PACRG: variants seen among roughly 807,000 people sequenced by gnomAD.
PACRG encodes the protein parkin coregulated gene protein.
In PACRG, 29 loss-of-function variants were observed where a neutral mutation model predicts 29.7. That is an observed-to-expected ratio of 0.98 (90% CI 0.73 to 1.33). The LOEUF (loss-of-function observed/expected upper bound fraction) is 1.33. PACRG is among the 40% of genes most tolerant of loss of function. PACRG has a pLI of 0.00. For synonymous variants in PACRG, 116 were observed against 118.7 expected, an observed-to-expected ratio of 0.98 and a Z score of 0.15; for missense variants, 279 against 316.2, an observed-to-expected ratio of 0.88 and a Z score of 0.89.
intron 2 of PACRG, among the ~76,000 whole-genome samples, chr6:163,030,884 A>G (rs1807597053): frequency 6.6e-6 from 1 of 152,182 alleles, no homozygotes; most frequent in Non-Finnish European, 1.5e-5. Flanking sequence ...CAGCTTCTTT[A>G]CTGCAACCTG....
At chr6:163,180,935 G>C (rs1210701542) in intron 4 of PACRG, among the ~76,000 whole-genome samples, 2 of 152,168 alleles carry the variant, frequency 1.3e-5, no homozygotes, top group African/African-American at 4.8e-5. Flanking sequence ...TTTGAAAGCT[G>C]GGGCTCCGTA....
At chr6:163,107,233 G>A (rs9456834) in intron 4 of PACRG, among the ~76,000 whole-genome samples, 2,120 of 152,268 alleles carry the variant, frequency 0.014, 48 homozygotes, top group African/African-American at 0.048. Context: ...GAAATATGAT[G>A]AGAAAGAGAA....
At chr6:163,093,734 T>A (rs1483505698) in intron 4 of PACRG, among the ~76,000 whole-genome samples, 4 of 152,232 alleles carry the variant, frequency 2.6e-5, no homozygotes, top group African/African-American at 9.6e-5. Context: ...TATGCAAAAG[T>A]AAACATAATA....
chr6:163,197,444 T>TTTCTTTTC (rs1562959298), intron 4 of PACRG, among the ~76,000 whole-genome samples: 3 of 120,944 alleles, frequency 2.5e-5, no homozygotes, highest in Admixed American at 8.4e-5. Flanking sequence ...CTTTTTTTTT[T>TTTCTTTTC]TTTTTTTTTT....
Position 162,892,974 on chromosome 6 carries a change from G to A in PACRG, c.291+78693G>A, listed in dbSNP as rs187542488. Among the ~76,000 whole-genome samples, 32 of 145,740 alleles carry A rather than the reference G, an allele frequency of 2.2e-4. No homozygotes were observed. In the East Asian group the frequency reaches 5.8e-3, roughly 27 times the overall value. On this transcript the variant is annotated intron_variant, in intron 2 of 4. Coordinates refer to ENST00000366888, the MANE Select transcript of PACRG (RefSeq NM_001080379.2). Reference sequence around the variant, plus strand: ...GAACCACCTCAGCCTCAAGAGCCTCGGCCCACACCCCGGAGAAGAACCACC... The same window carrying A: ...GAACCACCTCAGCCTCAAGAGCCTCAGCCCACACCCCGGAGAAGAACCACC...
chr6:163,094,826 A>T (rs997752429), intron 4 of PACRG, among the ~76,000 whole-genome samples: 3 of 152,226 alleles, frequency 2.0e-5, no homozygotes, highest in Non-Finnish European at 4.4e-5. Context: ...TAACATTTCC[A>T]TCTGGTTCAC....
intron 2 of PACRG, among the ~76,000 whole-genome samples, chr6:162,872,202 C>T (rs1185254316): frequency 1.5e-5 from 2 of 135,070 alleles, no homozygotes; most frequent in East Asian, 4.5e-4. Context: ...GCTTCTAACT[C>T]CAGATGCCCT....
chr6:163,184,384 G>T (rs1250799735), intron 4 of PACRG, among the ~76,000 whole-genome samples: 1 of 152,102 alleles, frequency 6.6e-6, no homozygotes, highest in Non-Finnish European at 1.5e-5. Context: ...GTCCATACTA[G>T]CTCAGTAACA....
chr6:163,266,878 C>A (rs1783547110), intron 4 of PACRG, among the ~76,000 whole-genome samples: 1 of 152,154 alleles, frequency 6.6e-6, no homozygotes, highest in African/African-American at 2.4e-5. Context: ...TCCCGGGCAG[C>A]ACCAGTTTTA....
intron 4 of PACRG, among the ~76,000 whole-genome samples, chr6:163,153,954 A>T (rs1035610713): frequency 2.0e-5 from 3 of 152,226 alleles, no homozygotes; most frequent in African/African-American, 7.2e-5. Context: ...CAATGGTCAG[A>T]ATCCAAAAGC....
At chr6:163,135,185 A>ATTT (rs10568609) in intron 4 of PACRG, among the ~76,000 whole-genome samples, 1 of 143,538 alleles carries the variant, frequency 7.0e-6, no homozygotes, top group Non-Finnish European at 1.5e-5. Context: ...TAGTTAAGTC[A>ATTT]TTTTTTTTTT....
chr6:162,814,191 C>A lies in PACRG; in HGVS notation c.201C>A (p.Thr67=), dbSNP rs1243820421. The change falls in exon 2 of 5, where the codon ACC becomes ACA. Residue 67 remains threonine (T), a synonymous_variant. Coordinates refer to ENST00000366888, the MANE Select transcript of PACRG (RefSeq NM_001080379.2). ...CAGGGGCATTTAAAGAAAGACCAAC[C>A]AAGCCCACAGCATTTCGAAAATTCT... The part of the protein sequence containing the change: ...PAAGAFKERP[T]KPTAFRKFYE... The A allele has an allele frequency of 1.9e-6, 3 of 1,613,314 alleles. No individual in the cohort carries two copies. The highest frequency in any genetic ancestry group is 3.3e-5 in the Admixed American group (2 of 59,950).
intron 1 of PACRG, among the ~76,000 whole-genome samples, chr6:162,783,935 A>T (rs1421400145): frequency 6.6e-6 from 1 of 152,138 alleles, no homozygotes; most frequent in Non-Finnish European, 1.5e-5. Context: ...GAACATAAGG[A>T]TACTATCTTT....
chr6:162,880,026 C>A (rs745493006), intron 2 of PACRG, among the ~76,000 whole-genome samples: 9 of 152,138 alleles, frequency 5.9e-5, no homozygotes, highest in African/African-American at 9.7e-5. Context: ...TCAAACCACA[C>A]CTTGGAACCA....
intron 4 of PACRG, among the ~76,000 whole-genome samples, chr6:163,215,900 G>A (rs1000161286): frequency 3.9e-5 from 6 of 152,338 alleles, no homozygotes; most frequent in Middle Eastern, 6.8e-3. Context: ...GAGATCAACA[G>A]TGGCCTCAGC....
chr6:163,067,559 CT>C (rs1483879516), intron 3 of PACRG, among the ~76,000 whole-genome samples: 1 of 152,074 alleles, frequency 6.6e-6, no homozygotes, highest in Non-Finnish European at 1.5e-5. Flanking sequence ...GTAAGGCAAT[CT>C]TTTTTTAAAG....
chr6:162,772,079 G>A (rs1025678148), intron 1 of PACRG, among the ~76,000 whole-genome samples: 2 of 152,170 alleles, frequency 1.3e-5, no homozygotes, highest in East Asian at 1.9e-4. Flanking sequence ...AAGGGCATGT[G>A]CAAAGTCACA....
intron 2 of PACRG, among the ~76,000 whole-genome samples, chr6:162,940,572 A>G (rs1798546330): frequency 6.6e-6 from 1 of 152,102 alleles, no homozygotes; most frequent in African/African-American, 2.4e-5. Context: ...ATGTTTCCCT[A>G]TGAATCAGAT....
chr6:163,057,358 T>C (rs1810685496), intron 2 of PACRG, among the ~76,000 whole-genome samples: 1 of 152,238 alleles, frequency 6.6e-6, no homozygotes, highest in African/African-American at 2.4e-5. Flanking sequence ...TTTGGTCTCA[T>C]TATACTTGGC....
Sources: gnomAD v4.1 joint callset for allele counts (sites outside exome capture counted in the v4.1 genomes callset) on GRCh38, gnomAD v4.1.1 for gene constraint, MANE v1.5 for transcripts, NCBI Gene and HGNC (gene_info 2026-07-23, HGNC 2026-07-21) for gene names.